Variants in COL11A2 observed in about 807,000 individuals in gnomAD.
The protein encoded by COL11A2 is collagen alpha-2(XI) chain.
A neutral mutation model predicts 273.4 loss-of-function variants in COL11A2; 116 were observed. The ratio of observed to expected loss-of-function variants is 0.42; its 90% CI spans 0.36 to 0.49. The LOEUF is 0.49. COL11A2 is among the 20% of genes least tolerant of loss of function. COL11A2 has a pLI of 0.00. For synonymous variants in COL11A2, 782 were observed against 864.2 expected, an observed-to-expected ratio of 0.90 and a Z score of 1.67; for missense variants, 1,866 against 2,309.0, an observed-to-expected ratio of 0.81 and a Z score of 3.93.
chr6:33,164,394 TG>T lies in COL11A2; in HGVS notation c.4942del (p.His1648ThrfsTer17). The T allele has an allele frequency of 6.2e-7, 1 of 1,608,600 alleles. No homozygotes were observed. The highest frequency in any genetic ancestry group is 8.5e-7 in the Non-Finnish European group (1 of 1,178,064). On this transcript the variant is annotated frameshift_variant, in exon 65 of 66. Coordinates refer to ENST00000341947, the MANE Select transcript of COL11A2 (RefSeq NM_080680.3). LOFTEE classifies it high-confidence loss of function. This position sits in a 1 kb window ranked among gnomAD's most constrained non-coding sequence, Gnocchi z 4.7. ...AGAGCAGGGGTAGGAGACGTCCTGG[TG>T]GGCTGAGACGCTGAGCAGCCGCAGG... Reference protein sequence around the residue: ...TFLRLLSVSAHQDVSYPCSGA... With the variant: ...TFLRLLSVSAXQDVSYPCSGA...
chr6:33,174,601 G>T, intron 30 of COL11A2, 21 bp from the exon 31 acceptor site: 1 of 1,611,074 alleles, frequency 6.2e-7, no homozygotes, highest in Non-Finnish European at 8.5e-7. Context: ...ACAGGAAGCA[G>T]TTAGGAGTGA....
Position 33,166,305 on chromosome 6 carries a change from T to TAG in COL11A2, c.4393-100_4393-99insCT. On this transcript the variant is annotated intron_variant, in intron 60 of 65. Transcript: ENST00000341947. This position sits in a 1 kb window ranked among gnomAD's most constrained non-coding sequence, Gnocchi z 4.8. Reference sequence around the variant, plus strand: ...GTCCCAAGTCCACAGGAGCCTCGGGTTACTACAGGAGGGGCAGTCTTGTGG... The same window carrying TAG: ...GTCCCAAGTCCACAGGAGCCTCGGGTAGTACTACAGGAGGGGCAGTCTTGTGG... 6.8e-7 allele frequency: 1 copy of TAG among 1,463,216 alleles called. No individual in the cohort carries two copies. Among genetic ancestry groups the TAG allele is most frequent in the Non-Finnish European group, 9.3e-7 (1 of 1,077,708 alleles). 90.6% of individuals were successfully genotyped at this position (1,463,216 alleles called of 1,614,324 possible).
Position 33,190,814 on chromosome 6 carries a change from A to G in COL11A2, c.82+1345T>C, listed in dbSNP as rs1163691540. 6.6e-6 allele frequency among the ~76,000 whole-genome samples: 1 copy of G among 152,098 alleles called. No individual in the cohort carries two copies. The highest frequency in any genetic ancestry group is 1.5e-5 in the Non-Finnish European group (1 of 68,006). On this transcript the variant is annotated intron_variant, in intron 1 of 65. Transcript: ENST00000341947. The surrounding 1 kb of genome is among the most constrained non-coding windows in gnomAD (Gnocchi z 4.5). ...GACTCACAGAGACCCCAGGCCAAGGAGACCTCGGAGGTCCCCACCCTCCAC... is the reference window on the plus strand; with the variant it reads ...GACTCACAGAGACCCCAGGCCAAGGGGACCTCGGAGGTCCCCACCCTCCAC...
Position 33,175,585 on chromosome 6 carries a change from T to C in COL11A2, c.2365A>G (p.Met789Val). 1 of 1,612,848 alleles carries C rather than the reference T, an allele frequency of 6.2e-7. No homozygotes were observed. Among genetic ancestry groups the C allele is most frequent in the Non-Finnish European group, 8.5e-7 (1 of 1,179,922 alleles). ...CCTCATCCCATCACCTTCTCGCCCA[T>C]GAGCCCTGGGGGCCCAGGGTCTCCA... ...PTGDPGPPGLMGEKGKLGVPG... is the reference protein window; with the variant it reads ...PTGDPGPPGLVGEKGKLGVPG... Residue 789 changes from methionine to valine, a missense_variant, in exon 30 of 66, where the codon ATG (methionine) becomes GTG (valine). By Grantham distance (21) the Met-to-Val change is conservative. Transcript: ENST00000341947.
At position 33,170,957 on chromosome 6, in the gene COL11A2, TG is replaced by T. The variant is rs1337091611; in HGVS notation, c.3367-41del. The T allele has an allele frequency of 1.3e-6, 2 of 1,518,138 alleles. No homozygotes were observed. Among genetic ancestry groups the T allele is most frequent in the Non-Finnish European group, 1.8e-6 (2 of 1,138,428 alleles). 94.0% of individuals were successfully genotyped at this position (1,518,138 alleles called of 1,614,324 possible). A position where few individuals can be genotyped will look rare whatever the true frequency, so the allele number is the denominator to read the frequency against. Reference sequence around the variant, plus strand: ...GAAAGCAGAGACAAGGACACAGGGATGGGTCATGGGTCAGGTGTTCTCTATC... The same window carrying T: ...GAAAGCAGAGACAAGGACACAGGGATGGTCATGGGTCAGGTGTTCTCTATC... On this transcript the variant is annotated intron_variant, in intron 45 of 65. Transcript: ENST00000341947. The surrounding 1 kb of genome is among the most constrained non-coding windows in gnomAD (Gnocchi z 4.3).
intron 8 of COL11A2, among the ~76,000 whole-genome samples, chr6:33,183,256 T>A (rs139484174): frequency 2.6e-5 from 4 of 152,184 alleles, no homozygotes; most frequent in African/African-American, 9.6e-5. Context: ...ATGGCCAACA[T>A]GGCTAGAAAA....
Position 33,178,759 on chromosome 6 carries a change from G to C in COL11A2, c.1666-27C>G. 1 of 1,612,628 alleles carries C rather than the reference G, an allele frequency of 6.2e-7. No homozygotes were observed. Among genetic ancestry groups the C allele is most frequent in the Non-Finnish European group, 8.5e-7 (1 of 1,179,774 alleles). On this transcript the variant is annotated intron_variant, in intron 17 of 65. Coordinates refer to ENST00000341947, the MANE Select transcript of COL11A2 (RefSeq NM_080680.3). This position sits in a 1 kb window ranked among gnomAD's most constrained non-coding sequence, Gnocchi z 4.6. ...TAGGAGGAGGAAGGATAGCCAGAGT[G>C]AGGACACGACCCTGTCCAAGCCCAC...
chr6:33,180,903 G>T, intron 10 of COL11A2, 61 bp downstream of exon 10: 4 of 1,599,508 alleles, frequency 2.5e-6, no homozygotes, highest in East Asian at 2.2e-5. Context: ...GGAAGGCTCA[G>T]ATGAGCACAT....
intron 8 of COL11A2, 134 bp from the exon 9 acceptor site, chr6:33,181,304 G>A: frequency 2.2e-6 from 2 of 899,024 alleles, no homozygotes; most frequent in Non-Finnish European, 1.8e-6. Context: ...AAGCCCCACA[G>A]CCCTCCCCTA....
intron 7 of COL11A2, among the ~76,000 whole-genome samples, chr6:33,184,733 C>A (rs551682551): frequency 6.6e-6 from 1 of 152,170 alleles, no homozygotes; most frequent in African/African-American, 2.4e-5. Flanking sequence ...GACCATTAGA[C>A]ACCAACATGG....
rs1771285615 is a variant in COL11A2, at chr6:33,178,764, C to T, written c.1666-32G>A. The T allele has an allele frequency of 1.2e-6, 2 of 1,612,412 alleles. No homozygotes were observed. The highest frequency in any genetic ancestry group is 2.2e-5 in the East Asian group (1 of 44,874). ...GGAGGAAGGATAGCCAGAGTGAGGA[C>T]ACGACCCTGTCCAAGCCCACCCCTC... is the stretch of plus-strand genomic sequence containing the variant. On this transcript the variant is annotated intron_variant, in intron 17 of 65. Coordinates refer to ENST00000341947, the MANE Select transcript of COL11A2 (RefSeq NM_080680.3). The surrounding 1 kb of genome is among the most constrained non-coding windows in gnomAD (Gnocchi z 4.6).
intron 1 of COL11A2, among the ~76,000 whole-genome samples, chr6:33,191,161 C>A (rs1011258052): frequency 6.6e-6 from 1 of 152,218 alleles, no homozygotes; most frequent in Non-Finnish European, 1.5e-5. Flanking sequence ...AAGAAAGACT[C>A]CTAGAGTCTA....
In COL11A2 at chr6:33,169,903, C is replaced by A. The variant is rs1427818109; in HGVS notation, c.3637-19G>T. 7.4e-6 allele frequency: 12 copies of A among 1,613,984 alleles called. No individual in the cohort carries two copies. The highest frequency in any genetic ancestry group is 1.0e-5 in the Non-Finnish European group (12 of 1,180,006). Reference sequence around the variant, plus strand: ...GTTCCCCCTGCAAAGAGATTAGAGTCAAAAACCTCCTCTCCTTCCCCAGCC... The same window carrying A: ...GTTCCCCCTGCAAAGAGATTAGAGTAAAAAACCTCCTCTCCTTCCCCAGCC... On this transcript the variant is annotated intron_variant, in intron 49 of 65. Transcript: ENST00000341947. The surrounding 1 kb of genome is among the most constrained non-coding windows in gnomAD (Gnocchi z 5.5).
Position 33,170,528 on chromosome 6 carries a change from T to C in COL11A2, c.3528+29A>G, listed in dbSNP as rs748072026. 16 of 1,611,476 alleles carry C rather than the reference T, an allele frequency of 9.9e-6. No homozygotes were observed. The South Asian group carries it at 1.8e-4, about 18-fold the overall frequency. On this transcript the variant is annotated intron_variant, in intron 47 of 65. Coordinates refer to ENST00000341947, the MANE Select transcript of COL11A2 (RefSeq NM_080680.3). The surrounding 1 kb of genome is among the most constrained non-coding windows in gnomAD (Gnocchi z 4.3). ...CCAGGGAGGGGGGTGACTAGTATGGTGGCTAGGGTCAGTAGGGGTCACACT... is the reference window on the plus strand; with the variant it reads ...CCAGGGAGGGGGGTGACTAGTATGGCGGCTAGGGTCAGTAGGGGTCACACT...
Position 33,179,969 on chromosome 6 carries a change from C to G in COL11A2, c.1360-164G>C, listed in dbSNP as rs879588048. Among the ~76,000 whole-genome samples, 15 of 152,240 alleles carry G rather than the reference C, an allele frequency of 9.9e-5. No individual in the cohort carries two copies. The highest frequency in any genetic ancestry group is 3.6e-4 in the African/African-American group (15 of 41,456). ...CTTAGAGGATTCCAGAAACTCAACT[C>G]CTGCCCTCCTCCACTGTCCAGCCTC... On this transcript the variant is annotated intron_variant, in intron 12 of 65. Coordinates refer to ENST00000341947, the MANE Select transcript of COL11A2 (RefSeq NM_080680.3). This position sits in a 1 kb window ranked among gnomAD's most constrained non-coding sequence, Gnocchi z 6.4.
chr6:33,179,767 C>T lies in COL11A2; in HGVS notation c.1398G>A (p.Val466=). The change falls in exon 13 of 66, where the codon GTG becomes GTA. Residue 466 remains valine (V), a synonymous_variant. Transcript: ENST00000341947. The surrounding 1 kb of genome is among the most constrained non-coding windows in gnomAD (Gnocchi z 6.4). ...GGGCCTGAGCCTCCTGGGCCGCCAC[C>T]ACAGGGCCCTTGTCACCCCCACCAC... ...FGSGGGDKGP[V]VAAQEAQAQA... is the part of the protein sequence containing the mutation. The T allele has an allele frequency of 6.2e-7, 1 of 1,612,180 alleles. No homozygotes were observed. The highest frequency in any genetic ancestry group is 8.5e-7 in the Non-Finnish European group (1 of 1,180,028).
rs1768621538 is a variant in COL11A2 at position 33,163,428 on chromosome 6, G to A, written c.*250C>T. On this transcript the variant is annotated 3_prime_UTR_variant, in exon 66 of 66. Coordinates refer to ENST00000341947, the MANE Select transcript of COL11A2 (RefSeq NM_080680.3). The surrounding 1 kb of genome is among the most constrained non-coding windows in gnomAD (Gnocchi z 4.1). ...TGATTGGGAGGTGAGTTTTAAATAA[G>A]GGTCTCAGCTCTCTAACGGGTAACA... The A allele has an allele frequency of 1.7e-6, 1 of 584,804 alleles. No homozygotes were observed. The highest frequency in any genetic ancestry group is 3.0e-5 in the Admixed American group (1 of 33,484). The allele number at this position is 584,804 out of a possible 1,614,324, so 36.2% of individuals were successfully genotyped here.
In COL11A2 at chr6:33,184,171, A is replaced by G. The variant is rs1295216706; in HGVS notation, c.1093T>C (p.Ser365Pro). The change falls in exon 8 of 66, where the codon TCT becomes CCT. Residue 365 changes from serine to proline, a missense_variant. Physicochemically the swap from Ser to Pro is moderately conservative, Grantham distance 74 (BLOSUM62 -1). Transcript: ENST00000341947. ...REETELGPAL[S>P]AETAHSGAAA... ...GCTCCTGAGTGGGCTGTCTCCGCAG[A>G]GAGGGCAGGGCCAAGCTCTGTCTCC... 1.5e-6 allele frequency: 2 copies of G among 1,367,292 alleles called. No individual in the cohort carries two copies. The highest frequency in any genetic ancestry group is 1.9e-5 in the Admixed American group (1 of 52,580). The allele number at this position is 1,367,292 out of a possible 1,614,324, so 84.7% of individuals were successfully genotyped here.
In COL11A2 at chr6:33,184,315, C is replaced by G. The variant is rs1453937410; in HGVS notation, c.949G>C (p.Asp317His). The change falls in exon 8 of 66, where the codon GAT (aspartate) becomes CAT (histidine). Residue 317 changes from aspartate (D) to histidine (H), a missense_variant. Transcript: ENST00000341947. ...LLPPLEEEQT[D>H]LQVPPTADRF... ...TCGGCTGTGGGGGGGACCTGGAGAT[C>G]TGTCTGCTCCTTCCCAGGGATGGGG... 1 of 1,366,844 alleles carries G rather than the reference C, an allele frequency of 7.3e-7. No individual in the cohort carries two copies. The highest frequency in any genetic ancestry group is 1.9e-5 in the Admixed American group (1 of 52,582). 84.7% of individuals were successfully genotyped at this position (1,366,844 alleles called of 1,614,324 possible).
Sources: allele counts gnomAD v4.1 joint callset (sites outside exome capture counted in the v4.1 genomes callset), GRCh38; gene constraint gnomAD v4.1.1; non-coding constraint Gnocchi (gnomAD v3.1); transcripts MANE v1.5; gene names NCBI Gene and HGNC (gene_info 2026-07-23, HGNC 2026-07-21).